Variants in PDZRN4 observed in about 807,000 individuals in gnomAD.
The protein encoded by PDZRN4 is PDZ domain-containing RING finger protein 4.
In PDZRN4, 70 loss-of-function variants were observed where a neutral mutation model predicts 99.0. That is an observed-to-expected ratio of 0.71 (90% confidence interval 0.58 to 0.86). PDZRN4 has a LOEUF of 0.86. Among genes scored for constraint, PDZRN4 ranks in the 40% least tolerant of loss-of-function variants. PDZRN4 has a pLI of 0.00. For missense variants in PDZRN4, 1,474 were observed against 1,331.2 expected (o/e 1.11, Z -1.67); for synonymous variants, 551 against 501.6 (o/e 1.10, Z -1.32).
At chr12:41,373,729 G>A (rs1409377383) in intron 3 of PDZRN4, among the ~76,000 whole-genome samples, 2 of 152,132 alleles carry the variant, frequency 1.3e-5, no homozygotes, top group Non-Finnish European at 2.9e-5. Context: ...AGCTTATGAA[G>A]ATGACGGGAT....
chr12:41,549,270 A>C (rs1473006683), intron 5 of PDZRN4, among the ~76,000 whole-genome samples: 1 of 152,192 alleles, frequency 6.6e-6, no homozygotes. Flanking sequence ...ATTCTCTATT[A>C]CCAAGAGGTT....
At chr12:41,547,963 G>A (rs1409785004) in intron 5 of PDZRN4, among the ~76,000 whole-genome samples, 3 of 152,176 alleles carry the variant, frequency 2.0e-5, no homozygotes, top group Non-Finnish European at 2.9e-5. Context: ...TGGGAAATTG[G>A]AGGTTAAAAG....
intron 3 of PDZRN4, among the ~76,000 whole-genome samples, chr12:41,279,464 C>T (rs961209528): frequency 1.3e-5 from 2 of 152,048 alleles, no homozygotes; most frequent in African/African-American, 2.4e-5. Context: ...AAATGATGGT[C>T]GTGGTATTTA....
intron 3 of PDZRN4, among the ~76,000 whole-genome samples, chr12:41,489,362 C>T (rs1937838442): frequency 6.6e-6 from 1 of 152,000 alleles, no homozygotes; most frequent in Non-Finnish European, 1.5e-5. Flanking sequence ...ATTATCCAGC[C>T]CAAAATGCCA....
chr12:41,278,688 C>T (rs1049645031), intron 3 of PDZRN4, among the ~76,000 whole-genome samples: 4 of 152,162 alleles, frequency 2.6e-5, no homozygotes, highest in Non-Finnish European at 2.9e-5. Flanking sequence ...CAGTAGTTCC[C>T]TTGAAAGTCC....
At chr12:41,305,769 CA>C (rs1207041850) in intron 3 of PDZRN4, among the ~76,000 whole-genome samples, 4 of 152,154 alleles carry the variant, frequency 2.6e-5, no homozygotes, top group African/African-American at 9.7e-5. Flanking sequence ...CCTGGCCCCA[CA>C]AAATTTGTGT....
intron 3 of PDZRN4, among the ~76,000 whole-genome samples, chr12:41,249,966 C>G (rs1951157467): frequency 6.6e-6 from 1 of 152,136 alleles, no homozygotes; most frequent in Admixed American, 6.5e-5. Context: ...ACACTTTTCT[C>G]CAGGAAGCAT....
intron 3 of PDZRN4, among the ~76,000 whole-genome samples, chr12:41,303,247 A>G (rs1458581094): frequency 6.6e-6 from 1 of 152,142 alleles, no homozygotes; most frequent in Non-Finnish European, 1.5e-5. Flanking sequence ...CAGTCAGACC[A>G]TGCCCTCGGC....
chr12:41,461,794 T>G (rs1289564384), intron 3 of PDZRN4, among the ~76,000 whole-genome samples: 1 of 152,196 alleles, frequency 6.6e-6, no homozygotes, highest in East Asian at 1.9e-4. Flanking sequence ...ATCCATAATA[T>G]TGTTTGAAAC....
chr12:41,220,670 T>C (rs908825285), intron 3 of PDZRN4, among the ~76,000 whole-genome samples: 1 of 152,082 alleles, frequency 6.6e-6, no homozygotes, highest in Non-Finnish European at 1.5e-5. Context: ...AAAAACATAG[T>C]AAATTTGTAG....
At chr12:41,217,513 A>G (rs1048186908) in intron 3 of PDZRN4, among the ~76,000 whole-genome samples, 23 of 152,112 alleles carry the variant, frequency 1.5e-4, no homozygotes, top group Non-Finnish European at 3.2e-4. Context: ...GAAAAAAAAT[A>G]GCAGGTTTCA....
Position 41,567,882 on chromosome 12 carries a change from G to A in PDZRN4, c.1567G>A (p.Ala523Thr). The A allele has an allele frequency of 6.2e-7, 1 of 1,607,758 alleles. No individual in the cohort carries two copies. The highest frequency in any genetic ancestry group is 8.5e-7 in the Non-Finnish European group (1 of 1,175,186). ...EEHNEAMQPT[A>T]NEVEQPKKQE... ...GCATAATGAAGCAATGCAGCCCACT[G>A]CCAATGAGGTGGAGCAGGTAGGGCC... is the stretch of plus-strand genomic sequence containing the variant. Residue 523 changes from alanine (A) to threonine (T), a missense_variant, in exon 9 of 10, where the codon GCC becomes ACC. Coordinates refer to ENST00000402685, the MANE Select transcript of PDZRN4 (RefSeq NM_001164595.2).
At chr12:41,275,043 G>A (rs1283899783) in intron 3 of PDZRN4, among the ~76,000 whole-genome samples, 1 of 152,126 alleles carries the variant, frequency 6.6e-6, no homozygotes, top group Non-Finnish European at 1.5e-5. Flanking sequence ...AGATGCTACA[G>A]GGATCAGTGC....
At chr12:41,547,609 A>G (rs902834817) in intron 5 of PDZRN4, among the ~76,000 whole-genome samples, 37 of 152,162 alleles carry the variant, frequency 2.4e-4, no homozygotes, top group African/African-American at 7.7e-4. Flanking sequence ...TGGGCGACAG[A>G]GTGAGACTCT....
At chr12:41,445,163 A>T (rs1197337573) in intron 3 of PDZRN4, among the ~76,000 whole-genome samples, 1 of 152,100 alleles carries the variant, frequency 6.6e-6, no homozygotes, top group African/African-American at 2.4e-5. Context: ...TTTCCAAATT[A>T]TACACAAGGG....
At chr12:41,271,483 A>G (rs1366106497) in intron 3 of PDZRN4, among the ~76,000 whole-genome samples, 2 of 152,234 alleles carry the variant, frequency 1.3e-5, no homozygotes, top group Middle Eastern at 3.4e-3. Flanking sequence ...CTCTTATTCC[A>G]AAACTCAGAA....
intron 5 of PDZRN4, among the ~76,000 whole-genome samples, chr12:41,550,532 A>C (rs1939034859): frequency 6.6e-6 from 1 of 152,166 alleles, no homozygotes; most frequent in Admixed American, 6.6e-5. Flanking sequence ...CTTGGTGTGT[A>C]CATTTTTGCT....
intron 3 of PDZRN4, among the ~76,000 whole-genome samples, chr12:41,333,075 C>T (rs536167527): frequency 6.6e-6 from 1 of 152,262 alleles, no homozygotes; most frequent in Non-Finnish European, 1.5e-5. Flanking sequence ...ACCTGGCAGC[C>T]TGACCTCAAA....
intron 3 of PDZRN4, among the ~76,000 whole-genome samples, chr12:41,501,245 C>G (rs184009528): frequency 6.6e-6 from 1 of 152,242 alleles, no homozygotes; most frequent in African/African-American, 2.4e-5. Context: ...CATTCTCAAA[C>G]AGCTGACTCT....
Sources: allele counts gnomAD v4.1 joint callset (sites outside exome capture counted in the v4.1 genomes callset), GRCh38; gene constraint gnomAD v4.1.1; transcripts MANE v1.5; gene names NCBI Gene and HGNC (gene_info 2026-07-23, HGNC 2026-07-21).